The following MEIOB variants were observed in gnomAD, a reference collection of about 807,000 sequenced individuals.
MEIOB encodes meiosis specific with OB-fold.
In MEIOB, 50 loss-of-function variants were observed where a neutral mutation model predicts 53.1. That is an observed-to-expected ratio of 0.94 (90% CI 0.75 to 1.19). MEIOB has a LOEUF of 1.19. Among genes scored for constraint, MEIOB ranks in the 50% most tolerant of loss-of-function variants. MEIOB has a pLI of 0.00. For missense variants in MEIOB, 551 were observed against 550.8 expected (o/e 1.00, Z 0.00); for synonymous variants, 192 against 182.5 (o/e 1.05, Z -0.42).
In MEIOB at chr16:1,853,230, G is replaced by A. The variant is rs1224966098; in HGVS notation, c.671C>T (p.Pro224Leu). The A allele has an allele frequency of 5.8e-6, 9 of 1,552,022 alleles. No individual in the cohort carries two copies. In the South Asian group the frequency reaches 5.9e-5, roughly 10 times the overall value. Residue 224 changes from proline (P) to leucine (L), a missense_variant, in exon 8 of 14, where the codon CCA (proline) becomes CTA (leucine). Physicochemically the swap from Pro to Leu is moderately conservative, Grantham distance 98. Coordinates refer to ENST00000325962, the MANE Select transcript of MEIOB (RefSeq NM_001163560.3). ...ESILLAQSWM[P>L]RETVIFASDV... Reference sequence around the variant, plus strand: ...TTGAATGATAATACCTGTTTCTCGTGGCATCCAGCTCTGTGCAAGTAGAAT... The same window carrying A: ...TTGAATGATAATACCTGTTTCTCGTAGCATCCAGCTCTGTGCAAGTAGAAT...
At chr16:1,851,209 A>T (rs1899161450) in intron 9 of MEIOB, among the ~76,000 whole-genome samples, 1 of 152,134 alleles carries the variant, frequency 6.6e-6, no homozygotes, top group African/African-American at 2.4e-5. Context: ...ATCTCTTCTC[A>T]GAACAGCTCC....
Position 1,839,400 on chromosome 16 carries a change from A to G in MEIOB, c.1073T>C (p.Met358Thr), listed in dbSNP as rs1366715053. Residue 358 changes from methionine (M) to threonine (T), a missense_variant, in exon 12 of 14, where the codon ATG (methionine) becomes ACG (threonine). Transcript: ENST00000325962. ...GGAGTTTTTGTTGCAAGTTGTGCAC[A>G]TGTTAGATGCTTCATTTACAATATA... ...CGYIVNEASN[M>T]CTTCNKNSLD... 6.2e-7 allele frequency: 1 copy of G among 1,613,398 alleles called. No individual in the cohort carries two copies. The highest frequency in any genetic ancestry group is 1.1e-5 in the South Asian group (1 of 90,820).
At chr16:1,837,983 A>T (rs1246771598) in intron 12 of MEIOB, 113 bp from the exon 13 acceptor site, 1 of 1,440,688 alleles carries the variant, frequency 6.9e-7, no homozygotes, top group Non-Finnish European at 9.2e-7. Context: ...TATTTGCAGT[A>T]ATTACAGCTC....
intron 3 of MEIOB, among the ~76,000 whole-genome samples, chr16:1,864,498 T>A (rs1163690699): frequency 6.6e-6 from 1 of 150,534 alleles, no homozygotes. Flanking sequence ...TTTTTTTTTT[T>A]TTTTTTTGAG....
At chr16:1,839,197 TGGGAAAAAG>T in intron 12 of MEIOB, 49 bp downstream of exon 12, 1 of 1,474,376 alleles carries the variant, frequency 6.8e-7, no homozygotes, top group Admixed American at 2.6e-5. Flanking sequence ...TATATTTTTT[TGGGAAAAAG>T]CATTCACTTT....
intron 11 of MEIOB, 28 bp downstream of exon 11, chr16:1,841,792 A>C (rs762800328): frequency 6.9e-7 from 1 of 1,456,966 alleles, no homozygotes; most frequent in Non-Finnish European, 9.1e-7. Context: ...ACAAAAATGA[A>C]TTTGCTAAAA....
chr16:1,858,746 C>G (rs572036173), intron 5 of MEIOB, among the ~76,000 whole-genome samples: 96 of 152,256 alleles, frequency 6.3e-4, no homozygotes, highest in African/African-American at 2.2e-3. Flanking sequence ...TGCATTCCAG[C>G]CGTATCAGAC....
At chr16:1,860,159 A>G (rs980119350) in intron 5 of MEIOB, among the ~76,000 whole-genome samples, 1 of 152,238 alleles carries the variant, frequency 6.6e-6, no homozygotes, top group African/African-American at 2.4e-5. Context: ...TTAACATGAC[A>G]AAGTCAAATT....
intron 10 of MEIOB, 52 bp from the exon 11 acceptor site, chr16:1,842,025 A>C (rs1898925167): frequency 7.9e-7 from 1 of 1,263,590 alleles, no homozygotes; most frequent in East Asian, 2.7e-5. Flanking sequence ...AAAAATATAA[A>C]AGGTTACATC....
chr16:1,837,997 C>T, intron 12 of MEIOB, 127 bp from the exon 13 acceptor site: 4 of 1,443,516 alleles, frequency 2.8e-6, no homozygotes, highest in Non-Finnish European at 2.7e-6. Context: ...ACAGCTCAAT[C>T]GTTTGTTTTT....
intron 5 of MEIOB, among the ~76,000 whole-genome samples, 192 bp from the exon 6 acceptor site, chr16:1,858,122 T>C (rs1899355091): frequency 6.6e-6 from 1 of 152,186 alleles, no homozygotes; most frequent in African/African-American, 2.4e-5. Flanking sequence ...AGGAAATGTT[T>C]TGAGAATTGA....
At chr16:1,836,892 A>G (rs369142456) in intron 13 of MEIOB, among the ~76,000 whole-genome samples, 1 of 152,210 alleles carries the variant, frequency 6.6e-6, no homozygotes, top group Non-Finnish European at 1.5e-5. Context: ...TACAGCAAGT[A>G]TCAGTAGATA....
At chr16:1,837,015 T>G (rs12325282) in intron 13 of MEIOB, among the ~76,000 whole-genome samples, 27,030 of 151,986 alleles carry the variant, frequency 0.18, 2,560 homozygotes, top group South Asian at 0.27. Context: ...TGTGACCCAG[T>G]GCAAGTGGCA....
Position 1,839,308 on chromosome 16 carries a change from G to A in MEIOB, c.1165C>T (p.Leu389Phe). 3 of 1,614,050 alleles carry A rather than the reference G, an allele frequency of 1.9e-6. No individual in the cohort carries two copies. The highest frequency in any genetic ancestry group is 2.7e-5 in the African/African-American group (2 of 75,020). The change falls in exon 12 of 14, where the codon CTT becomes TTT. Residue 389 changes from leucine (L) to phenylalanine (F), a missense_variant. Transcript: ENST00000325962. ...LIDLTDHTGT[L>F]HSCSLTGSVA... ...CTTCCTGTGAGACTACAGGAATGAA[G>A]GGTGCCTGTGTGATCAGTCAGATCA...
chr16:1,839,435 G>A lies in MEIOB; in HGVS notation c.1038C>T (p.Ser346=), dbSNP rs1898840013. The A allele has an allele frequency of 6.2e-7, 1 of 1,604,304 alleles. No homozygotes were observed. The highest frequency in any genetic ancestry group is 8.5e-7 in the Non-Finnish European group (1 of 1,176,346). ...ETTKVVRNRC[S]SCGYIVNEAS... ...CTTCATTTACAATATAACCACAGCTGGAACTGAAAAGAAACAAAGACAATG... is the reference window on the plus strand; with the variant it reads ...CTTCATTTACAATATAACCACAGCTAGAACTGAAAAGAAACAAAGACAATG... The change falls in exon 12 of 14, where the codon TCC becomes TCT. Residue 346 remains serine (S), a synonymous_variant. Transcript: ENST00000325962.
chr16:1,838,077 G>C (rs781670886), intron 12 of MEIOB: 102 of 913,376 alleles, frequency 1.1e-4, no homozygotes, highest in Non-Finnish European at 1.5e-4. Flanking sequence ...GCTCACTGCA[G>C]CCTCGAACTC....
chr16:1,850,410 C>G (rs1899137487), intron 9 of MEIOB, among the ~76,000 whole-genome samples: 1 of 151,796 alleles, frequency 6.6e-6, no homozygotes, highest in African/African-American at 2.4e-5. Context: ...GAAACCCCGT[C>G]TCTACTAAAA....
intron 6 of MEIOB, among the ~76,000 whole-genome samples, chr16:1,856,830 T>G (rs943614798): frequency 6.8e-6 from 1 of 147,300 alleles, no homozygotes; most frequent in African/African-American, 2.5e-5. Context: ...GTGGCATGAT[T>G]TTGGCTCACT....
At chr16:1,866,022 ATAAAG>A (rs1596986081) in intron 2 of MEIOB, among the ~76,000 whole-genome samples, 187 bp from the exon 3 acceptor site, 2 of 152,228 alleles carry the variant, frequency 1.3e-5, no homozygotes, top group African/African-American at 4.8e-5. Flanking sequence ...AAGGAATAGT[ATAAAG>A]TAATCCAAAA....
Sources: allele counts gnomAD v4.1 joint callset (sites outside exome capture counted in the v4.1 genomes callset), GRCh38; gene constraint gnomAD v4.1.1; transcripts MANE v1.5; gene names NCBI Gene and HGNC (gene_info 2026-07-23, HGNC 2026-07-21).